LRRC8B: variants seen among roughly 807,000 people sequenced by gnomAD.
LRRC8B encodes the protein volume-regulated anion channel subunit LRRC8B.
In LRRC8B, 23 loss-of-function variants were observed where a neutral mutation model predicts 58.8. The ratio of observed to expected loss-of-function variants is 0.39; its 90% CI spans 0.28 to 0.55. The LOEUF (loss-of-function observed/expected upper bound fraction) is 0.55. LRRC8B is among the 20% of genes least tolerant of loss of function. The probability of loss-of-function intolerance (pLI) is 0.62; values close to 1 mark genes in which losing one functional copy is unlikely to be tolerated. For missense variants in LRRC8B, 694 were observed against 936.0 expected, an observed-to-expected ratio of 0.74 and a Z score of 3.37; for synonymous variants, 359 against 374.1, an observed-to-expected ratio of 0.96 and a Z score of 0.47.
intron 1 of LRRC8B, among the ~76,000 whole-genome samples, chr1:89,559,392 C>G (rs2100949245): frequency 6.6e-6 from 1 of 152,068 alleles, no homozygotes; most frequent in South Asian, 2.1e-4. Context: ...TGCCTGTAAT[C>G]CCAGCACTTT....
At chr1:89,562,235 C>T (rs1652726726) in intron 1 of LRRC8B, among the ~76,000 whole-genome samples, 1 of 151,674 alleles carries the variant, frequency 6.6e-6, no homozygotes, top group Admixed American at 6.6e-5. Context: ...TCCTTTTCTT[C>T]CCTGCCTTTA....
intron 5 of LRRC8B, among the ~76,000 whole-genome samples, chr1:89,589,640 A>G (rs182348523): frequency 2.1e-4 from 32 of 151,368 alleles, no homozygotes; most frequent in African/African-American, 7.8e-4. Context: ...AAGATCATCT[A>G]TGTGACACTG....
At chr1:89,544,984 G>A (rs1037347893) in intron 1 of LRRC8B, among the ~76,000 whole-genome samples, 5 of 152,252 alleles carry the variant, frequency 3.3e-5, no homozygotes, top group South Asian at 2.1e-4. Flanking sequence ...AATTTTTAAC[G>A]TAATAGGAAG....
chr1:89,567,335 G>A (rs980156178), intron 1 of LRRC8B, among the ~76,000 whole-genome samples: 3 of 152,124 alleles, frequency 2.0e-5, no homozygotes, highest in African/African-American at 2.4e-5. Flanking sequence ...AAGAAACTCC[G>A]CTATATTTTG....
chr1:89,540,469 C>T (rs1434706359), intron 1 of LRRC8B, among the ~76,000 whole-genome samples: 1 of 152,194 alleles, frequency 6.6e-6, no homozygotes, highest in Non-Finnish European at 1.5e-5. Context: ...GAATCAACCC[C>T]ACGCTTTGAG....
intron 1 of LRRC8B, among the ~76,000 whole-genome samples, chr1:89,526,109 T>TGA (rs1649675785): frequency 6.6e-6 from 1 of 152,124 alleles, no homozygotes; most frequent in African/African-American, 2.4e-5. Context: ...GGTGTAGGAG[T>TGA]GAGGATGGAA....
chr1:89,571,364 C>T (rs12403879), intron 3 of LRRC8B, among the ~76,000 whole-genome samples: 29,112 of 152,034 alleles, frequency 0.19, 3,484 homozygotes, highest in Admixed American at 0.31. Flanking sequence ...GAATGTTTTT[C>T]CATTTCTTTT....
chr1:89,582,062 C>G (rs771804875), intron 4 of LRRC8B, among the ~76,000 whole-genome samples: 1 of 151,972 alleles, frequency 6.6e-6, no homozygotes, highest in Non-Finnish European at 1.5e-5. Flanking sequence ...TGGAAAGGAG[C>G]TTACTCAGAC....
intron 1 of LRRC8B, among the ~76,000 whole-genome samples, chr1:89,552,854 T>G (rs1651924249): frequency 6.6e-6 from 1 of 152,230 alleles, no homozygotes; most frequent in Admixed American, 6.5e-5. Context: ...AGAATTATGC[T>G]TTTGAAATTC....
intron 1 of LRRC8B, among the ~76,000 whole-genome samples, chr1:89,533,151 T>A (rs184702113): frequency 6.6e-6 from 1 of 152,312 alleles, no homozygotes; most frequent in East Asian, 1.9e-4. Context: ...ACCTACAAAT[T>A]TATTGTCCAC....
intron 1 of LRRC8B, among the ~76,000 whole-genome samples, chr1:89,548,328 A>T (rs1651559126): frequency 6.6e-6 from 1 of 152,212 alleles, no homozygotes; most frequent in African/African-American, 2.4e-5. Context: ...TGATTATGCA[A>T]TAATGCATAC....
rs972960333 is a variant in LRRC8B, at chr1:89,595,535, C to T, written c.*2492C>T. ...TTGGCTAAATTTTCCTTATCACCTA[C>T]GTAAATTTCTAGAAGAATTTACTAG... is the stretch of plus-strand genomic sequence containing the variant. On this transcript the variant is annotated 3_prime_UTR_variant, in exon 6 of 6. Coordinates refer to ENST00000330947, the MANE Select transcript of LRRC8B (RefSeq NM_001369817.2). 9.2e-5 allele frequency: 14 copies of T among 152,182 alleles called. No homozygotes were observed. Among genetic ancestry groups the T allele is most frequent in the South Asian group, 2.1e-4 (1 of 4,820 alleles). 9.4% of individuals were successfully genotyped at this position (152,182 alleles called of 1,614,324 possible). A position where few individuals can be genotyped will look rare whatever the true frequency, so the allele number is the denominator to read the frequency against.
In LRRC8B at chr1:89,597,413, G is replaced by A. The variant is rs1655348332; in HGVS notation, c.*4370G>A. On this transcript the variant is annotated 3_prime_UTR_variant, in exon 6 of 6. Transcript: ENST00000330947. ...TGCATGTTGTACATTATCTCTAACA[G>A]AGATGGTGCAATTTTAAGAATACAA... 6.6e-6 allele frequency: 1 copy of A among 152,162 alleles called. No homozygotes were observed. Among genetic ancestry groups the A allele is most frequent in the Non-Finnish European group, 1.5e-5 (1 of 68,032 alleles). 9.4% of individuals were successfully genotyped at this position (152,162 alleles called of 1,614,324 possible).
intron 1 of LRRC8B, 133 bp downstream of exon 1, chr1:89,525,155 A>T (rs148221014): frequency 0.021 from 3,138 of 152,322 alleles, 44 homozygotes; most frequent in Non-Finnish European, 0.029. Flanking sequence ...TTCACGCCTC[A>T]CCTGCGAGCC....
chr1:89,553,184 ATAATT>A (rs1021625996), intron 1 of LRRC8B, among the ~76,000 whole-genome samples: 2 of 152,242 alleles, frequency 1.3e-5, no homozygotes, highest in Admixed American at 1.3e-4. Context: ...CTCTTTAAAA[ATAATT>A]TAAAAGACTT....
At chr1:89,542,427 G>C (rs1397109278) in intron 1 of LRRC8B, among the ~76,000 whole-genome samples, 1 of 152,150 alleles carries the variant, frequency 6.6e-6, no homozygotes, top group Non-Finnish European at 1.5e-5. Context: ...CCTGTTTGAG[G>C]ACATCATGGG....
In LRRC8B at chr1:89,583,765, T is replaced by A. The variant is rs1654418303; in HGVS notation, c.1115T>A (p.Leu372Gln). 6.2e-7 allele frequency: 1 copy of A among 1,614,128 alleles called. No individual in the cohort carries two copies. The highest frequency in any genetic ancestry group is 8.5e-7 in the Non-Finnish European group (1 of 1,180,056). Residue 372 changes from leucine to glutamine, a missense_variant, in exon 5 of 6, where the codon CTG becomes CAG. Physicochemically the swap from Leu to Gln is moderately radical, Grantham distance 113. Transcript: ENST00000330947. The surrounding 1 kb of genome is among the most constrained non-coding windows in gnomAD (Gnocchi z 5.2). ...VKNDFAFILH[L>Q]ADQYDPLYSK... ...AATGACTTTGCCTTCATCCTTCATC[T>A]GGCTGATCAGTATGATCCTCTTTAT...
chr1:89,588,127 A>G (rs985045625), intron 5 of LRRC8B: 1 of 152,162 alleles, frequency 6.6e-6, no homozygotes, highest in African/African-American at 2.4e-5. Flanking sequence ...TCTCTAGTAG[A>G]AAGTGAGCTC....
intron 1 of LRRC8B, among the ~76,000 whole-genome samples, chr1:89,561,346 A>T: frequency 1.5e-5 from 2 of 133,640 alleles, no homozygotes; most frequent in African/African-American, 2.7e-5. Flanking sequence ...TTGCCTGTTC[A>T]CTCTGATGGT....
Sources: allele counts gnomAD v4.1 joint callset (sites outside exome capture counted in the v4.1 genomes callset), GRCh38; gene constraint gnomAD v4.1.1; non-coding constraint Gnocchi (gnomAD v3.1); transcripts MANE v1.5; gene names NCBI Gene and HGNC (gene_info 2026-07-23, HGNC 2026-07-21).